Variants in GLB1 observed in about 807,000 individuals in gnomAD.
The protein encoded by GLB1 is beta-galactosidase.
Under a neutral mutation model 74.0 loss-of-function variants are expected in GLB1, and 56 were observed. That is an observed-to-expected ratio of 0.76 (90% CI 0.61 to 0.94). The LOEUF is 0.94. GLB1 is among the 40% of genes least tolerant of loss of function. The pLI is 0.00. For missense variants in GLB1, 787 were observed against 845.5 expected, an observed-to-expected ratio of 0.93 and a Z score of 0.86; for synonymous variants, 323 against 323.6, an observed-to-expected ratio of 1.00 and a Z score of 0.02.
chr3:32,983,043 T>G, the GLB1 span, among the ~76,000 whole-genome samples: 2 of 152,180 alleles, frequency 1.3e-5, 1 homozygote, highest in South Asian at 4.1e-4. Flanking sequence ...TTCTATTTGT[T>G]GCTGGTGTTC....
chr3:33,042,093 C>T (rs1698524749), intron 10 of GLB1, among the ~76,000 whole-genome samples: 1 of 152,090 alleles, frequency 6.6e-6, no homozygotes, highest in South Asian at 2.1e-4. Context: ...CTGAAACTGC[C>T]TAGTTCCTAC....
At chr3:32,982,577 G>A in the GLB1 span, among the ~76,000 whole-genome samples, 139,053 of 152,166 alleles carry the variant, frequency 0.91, 64,228 homozygotes, top group Non-Finnish European at 0.98. Flanking sequence ...CTGTCTTATA[G>A]TTCTTGTTTT....
chr3:32,963,042 G>A, the GLB1 span, among the ~76,000 whole-genome samples: 1 of 152,142 alleles, frequency 6.6e-6, no homozygotes, highest in South Asian at 2.1e-4. Flanking sequence ...TAATATGTAT[G>A]TTAAATTAAT....
intron 10 of GLB1, chr3:33,030,814 A>G: frequency 4.1e-6 from 4 of 985,404 alleles, no homozygotes; most frequent in Non-Finnish European, 4.8e-6. Context: ...TGGAATCCCT[A>G]TAAAGAACAG....
intron 13 of GLB1, among the ~76,000 whole-genome samples, chr3:33,017,995 G>T (rs1364878071): frequency 6.6e-6 from 1 of 152,072 alleles, no homozygotes; most frequent in Non-Finnish European, 1.5e-5. Context: ...ACCAAGAAGA[G>T]GGGTGGAGCC....
the GLB1 span, among the ~76,000 whole-genome samples, chr3:32,989,163 C>T: frequency 6.6e-6 from 1 of 152,224 alleles, no homozygotes; most frequent in East Asian, 1.9e-4. Context: ...CAGTTGCCCA[C>T]CAGGGAAGTT....
intron 15 of GLB1, 124 bp downstream of exon 15, chr3:33,013,932 T>C (rs1697130221): frequency 6.5e-6 from 10 of 1,538,190 alleles, no homozygotes; most frequent in South Asian, 1.2e-5. Flanking sequence ...CTGAAGAATG[T>C]CCGAAACGCC....
intron 15 of GLB1, among the ~76,000 whole-genome samples, chr3:33,010,540 T>A (rs1267401217): frequency 1.3e-5 from 2 of 152,246 alleles, no homozygotes; most frequent in African/African-American, 2.4e-5. Context: ...TATAAGTCCT[T>A]TGTTAGATAT....
At chr3:33,079,491 T>G (rs533650150) in intron 1 of GLB1, among the ~76,000 whole-genome samples, 1 of 152,338 alleles carries the variant, frequency 6.6e-6, no homozygotes, top group South Asian at 2.1e-4. Context: ...AATTGATAGA[T>G]GGAGGAATGG....
chr3:33,058,010 A>C, intron 6 of GLB1, 79 bp downstream of exon 6: 1 of 1,576,538 alleles, frequency 6.3e-7, no homozygotes, highest in Non-Finnish European at 8.7e-7. Flanking sequence ...CATGACACTT[A>C]TAACAACAGC....
chr3:33,049,092 A>G (rs557681361), intron 9 of GLB1, among the ~76,000 whole-genome samples: 1 of 152,186 alleles, frequency 6.6e-6, no homozygotes, highest in Non-Finnish European at 1.5e-5. Context: ...ATTTTTAAAA[A>G]ATTGTGTCAT....
chr3:33,071,270 G>A (rs1699877379), intron 2 of GLB1, among the ~76,000 whole-genome samples: 1 of 151,822 alleles, frequency 6.6e-6, no homozygotes, highest in African/African-American at 2.4e-5. Context: ...CACTCTGCCA[G>A]TGGCCTTAGA....
intron 5 of GLB1, among the ~76,000 whole-genome samples, chr3:33,059,212 T>C (rs1699344416): frequency 6.7e-6 from 1 of 148,264 alleles, no homozygotes; most frequent in Non-Finnish European, 1.5e-5. Context: ...GCTTTGGGGA[T>C]AAAAAAAATT....
intron 1 of GLB1, chr3:33,077,054 T>C (rs1451282004): frequency 1.5e-6 from 2 of 1,309,986 alleles, no homozygotes; most frequent in African/African-American, 1.5e-5. Flanking sequence ...CGAGACCCTG[T>C]CTCTATAAAA....
At chr3:33,096,267 T>C (rs939516048) in intron 1 of GLB1, 2 of 491,902 alleles carry the variant, frequency 4.1e-6, no homozygotes, top group Admixed American at 6.4e-5. Context: ...CCTCAGCCAG[T>C]CGCCTCAGCT....
chr3:33,059,779 C>T (rs967779491), intron 5 of GLB1, among the ~76,000 whole-genome samples: 3 of 152,158 alleles, frequency 2.0e-5, no homozygotes, highest in African/African-American at 7.2e-5. Context: ...TGCGCATTTA[C>T]GTATGTATGC....
At chr3:33,026,701 G>C (rs546034331) in intron 10 of GLB1, among the ~76,000 whole-genome samples, 2 of 152,254 alleles carry the variant, frequency 1.3e-5, no homozygotes, top group South Asian at 4.1e-4. Flanking sequence ...CCAGAAGATG[G>C]AGAGACAAGG....
chr3:33,017,513 G>A (rs558302439), intron 13 of GLB1, among the ~76,000 whole-genome samples: 35 of 152,278 alleles, frequency 2.3e-4, no homozygotes, highest in Non-Finnish European at 2.1e-4. Flanking sequence ...AATGAAAGCT[G>A]TTGATTACAA....
At chr3:33,074,598 C>A (rs1376156518) in intron 1 of GLB1, among the ~76,000 whole-genome samples, 1 of 139,738 alleles carries the variant, frequency 7.2e-6, no homozygotes, top group Non-Finnish European at 1.5e-5. Flanking sequence ...AAGACCTCAA[C>A]GGGTGGTGGG....
Sources: gnomAD v4.1 joint callset for allele counts (sites outside exome capture counted in the v4.1 genomes callset) on GRCh38, gnomAD v4.1.1 for gene constraint, MANE v1.5 for transcripts, NCBI Gene and HGNC (gene_info 2026-07-23, HGNC 2026-07-21) for gene names.